The following COL23A1 variants were observed in gnomAD, a reference collection of about 807,000 sequenced individuals.
The protein encoded by COL23A1 is collagen alpha-1(XXIII) chain.
Under a neutral mutation model 99.3 loss-of-function variants are expected in COL23A1, and 97 were observed. The observed-to-expected ratio is 0.98, with a 90% CI of 0.83 to 1.16. The LOEUF is 1.16. COL23A1 is among the 50% of genes most tolerant of loss of function. The pLI is 0.00. For synonymous variants in COL23A1, 320 were observed against 308.2 expected (o/e 1.04, Z -0.40); for missense variants, 762 against 757.4 (o/e 1.01, Z -0.07).
At chr5:178,390,908 A>G (rs925876396) in intron 2 of COL23A1, among the ~76,000 whole-genome samples, 3 of 152,264 alleles carry the variant, frequency 2.0e-5, no homozygotes, top group Non-Finnish European at 4.4e-5. Context: ...AAGCATAAGC[A>G]ACCAAAGGAG....
At chr5:178,564,368 G>GT (rs1403795501) in intron 1 of COL23A1, among the ~76,000 whole-genome samples, 1 of 150,998 alleles carries the variant, frequency 6.6e-6, no homozygotes, top group Non-Finnish European at 1.5e-5. Context: ...AAAGTGAAAT[G>GT]TTTGAATTAG....
intron 2 of COL23A1, among the ~76,000 whole-genome samples, chr5:178,484,544 C>A (rs1757506675): frequency 6.6e-6 from 1 of 152,070 alleles, no homozygotes; most frequent in Non-Finnish European, 1.5e-5. Context: ...TGAGGCCGGG[C>A]CGGGCGTGGT....
chr5:178,310,563 G>A lies in COL23A1; in HGVS notation c.362-3644C>T, dbSNP rs897029832. 5.3e-5 allele frequency among the ~76,000 whole-genome samples: 8 copies of A among 152,190 alleles called. No homozygotes were observed. Among genetic ancestry groups the A allele is most frequent in the African/African-American group, 1.9e-4 (8 of 41,456 alleles). ...TAAGGCTGTGTTGCTAGAGCCTCCTGGAGCCCTTCATAGTCTGTGGCTCCC... is the reference window on the plus strand; with the variant it reads ...TAAGGCTGTGTTGCTAGAGCCTCCTAGAGCCCTTCATAGTCTGTGGCTCCC... On this transcript the variant is annotated intron_variant, in intron 2 of 28. Transcript: ENST00000390654. The surrounding 1 kb of genome is among the most constrained non-coding windows in gnomAD (Gnocchi z 4.3).
intron 1 of COL23A1, among the ~76,000 whole-genome samples, chr5:178,570,922 C>A (rs1331289209): frequency 6.6e-6 from 1 of 152,046 alleles, no homozygotes; most frequent in African/African-American, 2.4e-5. Flanking sequence ...GCCTAATCAG[C>A]CCCTGCAGGC....
At chr5:178,409,011 C>CACAG (rs1277784968) in intron 2 of COL23A1, among the ~76,000 whole-genome samples, 6 of 145,190 alleles carry the variant, frequency 4.1e-5, no homozygotes, top group African/African-American at 1.6e-4. Context: ...CACACACACA[C>CACAG]ACACACACAC....
At chr5:178,270,791 T>G (rs967040474) in intron 5 of COL23A1, among the ~76,000 whole-genome samples, 1 of 152,158 alleles carries the variant, frequency 6.6e-6, no homozygotes, top group African/African-American at 2.4e-5. Flanking sequence ...GACCACCACA[T>G]GGCTTGAGAA....
intron 1 of COL23A1, among the ~76,000 whole-genome samples, chr5:178,565,346 A>G (rs1045178741): frequency 5.9e-5 from 9 of 152,212 alleles, no homozygotes; most frequent in African/African-American, 2.2e-4. Context: ...GCCCAGCTCC[A>G]GGGTCCATCC....
At chr5:178,463,965 G>C (rs748497429) in intron 2 of COL23A1, among the ~76,000 whole-genome samples, 1 of 152,166 alleles carries the variant, frequency 6.6e-6, no homozygotes, top group Non-Finnish European at 1.5e-5. Flanking sequence ...GGCCGGGCGT[G>C]AGCACAACCA....
intron 2 of COL23A1, among the ~76,000 whole-genome samples, chr5:178,448,447 G>A (rs1286833139): frequency 3.3e-5 from 5 of 152,024 alleles, no homozygotes; most frequent in African/African-American, 1.2e-4. Context: ...GTCGCAGTCC[G>A]TTTTGTTCTG....
At chr5:178,523,157 T>TACAC (rs1554189013) in intron 2 of COL23A1, among the ~76,000 whole-genome samples, 6 of 76,084 alleles carry the variant, frequency 7.9e-5, no homozygotes, top group East Asian at 6.4e-4. Context: ...TATATATATA[T>TACAC]ATATACATAT....
chr5:178,443,582 T>C (rs1345072404), intron 2 of COL23A1, among the ~76,000 whole-genome samples: 1 of 151,816 alleles, frequency 6.6e-6, no homozygotes, highest in Admixed American at 6.6e-5. Flanking sequence ...TGCCTCAGCC[T>C]CCCAAGTAGC....
At position 178,518,428 on chromosome 5, in the gene COL23A1, G is replaced by T. The variant is rs1759693335; in HGVS notation, c.361+42254C>A. ...GCTGTTGGGCACACCTCCCAGACGG[G>T]GTGGTGGCCGGGCAGAGGGGCTCCT... On this transcript the variant is annotated intron_variant, in intron 2 of 28. Coordinates refer to ENST00000390654, the MANE Select transcript of COL23A1 (RefSeq NM_173465.4). 3.3e-5 allele frequency among the ~76,000 whole-genome samples: 5 copies of T among 151,100 alleles called. No homozygotes were observed. The South Asian group carries it at 1.0e-3, about 32-fold the overall frequency.
At position 178,281,181 on chromosome 5, in the gene COL23A1, A is replaced by G. The variant is rs915568567; in HGVS notation, c.441+7143T>C. 1.3e-5 allele frequency among the ~76,000 whole-genome samples: 2 copies of G among 152,166 alleles called. No individual in the cohort carries two copies. The highest frequency in any genetic ancestry group is 4.8e-5 in the African/African-American group (2 of 41,438). On this transcript the variant is annotated intron_variant, in intron 5 of 28. Coordinates refer to ENST00000390654, the MANE Select transcript of COL23A1 (RefSeq NM_173465.4). The surrounding 1 kb of genome is among the most constrained non-coding windows in gnomAD (Gnocchi z 4.0). ...ACTGTAGGGGTCAGACGGAAATGAG[A>G]TGGAGGATGTTGAAATCTAAAAACA...
intron 2 of COL23A1, among the ~76,000 whole-genome samples, chr5:178,482,539 G>C (rs1757397225): frequency 6.6e-6 from 1 of 152,170 alleles, no homozygotes; most frequent in East Asian, 1.9e-4. Context: ...GGTGGTGATG[G>C]CTGAACAACA....
chr5:178,506,869 T>C (rs1365430185), intron 2 of COL23A1, among the ~76,000 whole-genome samples: 1 of 152,236 alleles, frequency 6.6e-6, no homozygotes, highest in Non-Finnish European at 1.5e-5. Context: ...CCACTTGGAA[T>C]GCACGAATTA....
At chr5:178,500,841 AAAAC>A (rs1758487952) in intron 2 of COL23A1, among the ~76,000 whole-genome samples, 2 of 152,294 alleles carry the variant, frequency 1.3e-5, no homozygotes, top group South Asian at 2.1e-4. Context: ...CTAAAATGAA[AAAAC>A]AAACAAAAGA....
chr5:178,319,398 A>G (rs375095971), intron 2 of COL23A1, among the ~76,000 whole-genome samples: 9 of 149,076 alleles, frequency 6.0e-5, no homozygotes, highest in East Asian at 2.0e-4. Flanking sequence ...GAAAAGCTCT[A>G]TTTTTTTTTT....
intron 2 of COL23A1, among the ~76,000 whole-genome samples, chr5:178,549,240 C>T (rs1035195371): frequency 2.0e-5 from 3 of 151,790 alleles, no homozygotes; most frequent in African/African-American, 4.8e-5. Flanking sequence ...GTTATCCACC[C>T]GCCTCGGCCT....
intron 2 of COL23A1, among the ~76,000 whole-genome samples, chr5:178,338,585 C>CCCAGCACCGGGTA (rs1561875062): frequency 0.068 from 9,789 of 144,296 alleles, 396 homozygotes; most frequent in Middle Eastern, 0.15. Flanking sequence ...TCCTGGGTCA[C>CCCAGCACCGGGTA]TGGCCAGCAC....
Sources: gnomAD v4.1 joint callset for allele counts (sites outside exome capture counted in the v4.1 genomes callset) on GRCh38, gnomAD v4.1.1 for gene constraint, Gnocchi (gnomAD v3.1) non-coding constraint, MANE v1.5 for transcripts, NCBI Gene and HGNC (gene_info 2026-07-23, HGNC 2026-07-21) for gene names.